Variants in IRF6 observed in about 807,000 individuals in gnomAD.
IRF6 encodes the protein interferon regulatory factor 6.
Under a neutral mutation model 51.4 loss-of-function variants are expected in IRF6, and 6 were observed. The observed-to-expected ratio is 0.12, with a 90% CI of 0.06 to 0.23. The LOEUF is 0.23. IRF6 is among the 10% of genes least tolerant of loss of function. The probability of loss-of-function intolerance (pLI) is 1.00; values close to 1 mark genes in which losing one functional copy is unlikely to be tolerated. For missense variants in IRF6, 348 were observed against 585.2 expected, an observed-to-expected ratio of 0.59 and a Z score of 4.18; for synonymous variants, 178 against 215.7, an observed-to-expected ratio of 0.83 and a Z score of 1.53.
intron 5 of IRF6, among the ~76,000 whole-genome samples, chr1:209,794,068 T>C (rs2077886150): frequency 6.6e-6 from 1 of 152,262 alleles, no homozygotes; most frequent in Non-Finnish European, 1.5e-5. Flanking sequence ...GAACAGTTTA[T>C]ATTCTTTTGG....
intron 4 of IRF6, 84 bp from the exon 5 acceptor site, chr1:209,795,502 C>A: frequency 3.1e-6 from 5 of 1,598,208 alleles, no homozygotes; most frequent in Non-Finnish European, 4.3e-6. Flanking sequence ...AAGCTAGGGA[C>A]TGCTAGCCCA....
At chr1:209,802,499 T>C (rs1286013092) in intron 1 of IRF6, among the ~76,000 whole-genome samples, 2 of 152,208 alleles carry the variant, frequency 1.3e-5, no homozygotes, top group African/African-American at 4.8e-5. Flanking sequence ...GATTTTTTGG[T>C]GTTCTTATTT....
In IRF6 at chr1:209,795,369, T is replaced by C. The variant is rs747611861; in HGVS notation, c.429A>G (p.Glu143=). ...PWDEKDNDVD[E]EDEEDELDQS... ...GATCCAGCTCATCTTCCTCATCTTC[T>C]TCATCCACATCATTATCCTTCTCAT... is the stretch of plus-strand genomic sequence containing the variant. Residue 143 remains glutamate (E), a synonymous_variant, in exon 5 of 9, where the codon GAA becomes GAG. Transcript: ENST00000367021. 8 of 1,614,094 alleles carry C rather than the reference T, an allele frequency of 5.0e-6. No homozygotes were observed. Among genetic ancestry groups the C allele is most frequent in the Admixed American group, 1.7e-5 (1 of 60,010 alleles).
In IRF6 at chr1:209,789,688, T is replaced by C. The variant is rs779025793; in HGVS notation, c.1158A>G (p.Glu386=). 6.2e-7 allele frequency: 1 copy of C among 1,613,274 alleles called. No individual in the cohort carries two copies. Among genetic ancestry groups the C allele is most frequent in the East Asian group, 2.2e-5 (1 of 44,872 alleles). Residue 386 remains glutamate, a synonymous_variant, in exon 8 of 9, where the codon GAA becomes GAG. Coordinates refer to ENST00000367021, the MANE Select transcript of IRF6 (RefSeq NM_006147.4). ...GEEWPDGKPL[E]RKLILVQVIP... ...TCACCTGAACCAAGATGAGTTTCCT[T>C]TCCAATGGTTTCCCATCTGGCCATT...
rs1480064689 is a variant in IRF6, at chr1:209,787,876, C to T, written c.*544G>A. 3 of 155,404 alleles carry T rather than the reference C, an allele frequency of 1.9e-5. No homozygotes were observed. Among genetic ancestry groups the T allele is most frequent in the Non-Finnish European group, 4.3e-5 (3 of 69,906 alleles). 9.6% of individuals were successfully genotyped at this position (155,404 alleles called of 1,614,324 possible). Reference sequence around the variant, plus strand: ...CCCATCAGGGAGCCAGCTTACTATACTAGCAGAACAGGTCAAACAGAGCTC... The same window carrying T: ...CCCATCAGGGAGCCAGCTTACTATATTAGCAGAACAGGTCAAACAGAGCTC... On this transcript the variant is annotated 3_prime_UTR_variant, in exon 9 of 9. Coordinates refer to ENST00000367021, the MANE Select transcript of IRF6 (RefSeq NM_006147.4).
chr1:209,795,187 G>A (rs1474053369), intron 5 of IRF6, 103 bp downstream of exon 5: 1 of 1,341,048 alleles, frequency 7.5e-7, no homozygotes, highest in Non-Finnish European at 1.1e-6. Context: ...TGCAGGGACT[G>A]ATCCTGCTTT....
At position 209,790,387 on chromosome 1, in the gene IRF6, A is replaced by C; in HGVS notation, c.1060+108T>G. The C allele has an allele frequency of 7.3e-7, 1 of 1,362,518 alleles. No homozygotes were observed. Among genetic ancestry groups the C allele is most frequent in the Non-Finnish European group, 1.0e-6 (1 of 961,650 alleles). The allele number at this position is 1,362,518 out of a possible 1,614,324, so 84.4% of individuals were successfully genotyped here. A position where few individuals can be genotyped will look rare whatever the true frequency, so the allele number is the denominator to read the frequency against. Reference sequence around the variant, plus strand: ...TGACCTCCTCCAGACTAAATTTTTTAAGATCTTTGCCATGCCAGGAAAGCA... The same window carrying C: ...TGACCTCCTCCAGACTAAATTTTTTCAGATCTTTGCCATGCCAGGAAAGCA... On this transcript the variant is annotated intron_variant, in intron 7 of 8. Transcript: ENST00000367021. This position sits in a 1 kb window ranked among gnomAD's most constrained non-coding sequence, Gnocchi z 4.8.
rs1376908799 is a variant in IRF6, at chr1:209,790,747, T to C, written c.808A>G (p.Ser270Gly). 1.9e-6 allele frequency: 3 copies of C among 1,614,218 alleles called. No individual in the cohort carries two copies. The highest frequency in any genetic ancestry group is 2.5e-6 in the Non-Finnish European group (3 of 1,180,046). Reference sequence around the variant, plus strand: ...CCTGGGAATTTGACCTGCTCCAGGCTGACGGGACCAAAGAGCTCCTCCTGG... The same window carrying C: ...CCTGGGAATTTGACCTGCTCCAGGCCGACGGGACCAAAGAGCTCCTCCTGG... ...PDQEELFGPV[S>G]LEQVKFPGPE... The change falls in exon 7 of 9, where the codon AGC becomes GGC. Residue 270 changes from serine to glycine, a missense_variant. Around this residue, in one of 5 missense-constraint regions of IRF6, gnomAD observed 125 missense variants for 222.0 expected, o/e 0.56. Coordinates refer to ENST00000367021, the MANE Select transcript of IRF6 (RefSeq NM_006147.4). This position sits in a 1 kb window ranked among gnomAD's most constrained non-coding sequence, Gnocchi z 4.8.
rs1156568671 is a variant in IRF6 at position 209,788,577 on chromosome 1, C to T, written c.1247G>A (p.Ser416Asn). Residue 416 changes from serine (S) to asparagine (N), a missense_variant, in exon 9 of 9, where the codon AGT becomes AAT. Ser to Asn is a conservative substitution (Grantham distance 46). Transcript: ENST00000367021. ...FSGDFTRSFD[S>N]GSVRLQISTP... Reference sequence around the variant, plus strand: ...TGAGATCTGCAGGCGGACACTGCCACTATCAAAGGATCGTGTGAAATCACC... The same window carrying T: ...TGAGATCTGCAGGCGGACACTGCCATTATCAAAGGATCGTGTGAAATCACC... The T allele has an allele frequency of 1.9e-6, 3 of 1,614,014 alleles. No individual in the cohort carries two copies. Among genetic ancestry groups the T allele is most frequent in the Non-Finnish European group, 2.5e-6 (3 of 1,180,030 alleles).
At chr1:209,803,640 T>G (rs2077957123) in intron 1 of IRF6, among the ~76,000 whole-genome samples, 1 of 152,144 alleles carries the variant, frequency 6.6e-6, no homozygotes. Context: ...CCTGCCTCTC[T>G]CACTGTAAAC....
At chr1:209,804,122 A>C (rs944927242) in intron 1 of IRF6, among the ~76,000 whole-genome samples, 1 of 152,240 alleles carries the variant, frequency 6.6e-6, no homozygotes. Flanking sequence ...AAAAACTACA[A>C]GTAATTTTTT....
chr1:209,800,860 C>CT (rs2077936592), intron 3 of IRF6, among the ~76,000 whole-genome samples: 1 of 152,200 alleles, frequency 6.6e-6, no homozygotes, highest in Non-Finnish European at 1.5e-5. Flanking sequence ...CTGTCCTGGT[C>CT]TGAGTATCCA....
Position 209,788,524 on chromosome 1 carries a change from C to T in IRF6, c.1300G>A (p.Ala434Thr), listed in dbSNP as rs1368495772. 1 of 1,614,114 alleles carries T rather than the reference C, an allele frequency of 6.2e-7. No individual in the cohort carries two copies. The highest frequency in any genetic ancestry group is 1.3e-5 in the African/African-American group (1 of 75,008). ...STPDIKDNIV[A>T]QLKQLYRILQ... ...ATGCGGTACAGCTGCTTCAGCTGAG[C>T]AACGATGTTATCCTTGATGTCTGGG... The change falls in exon 9 of 9, where the codon GCT becomes ACT. Residue 434 changes from alanine to threonine, a missense_variant. By Grantham distance (58) the Ala-to-Thr change is moderately conservative (BLOSUM62 0). Transcript: ENST00000367021.
Position 209,789,187 on chromosome 1 carries a change from G to A in IRF6, c.1179+480C>T, listed in dbSNP as rs747862423. On this transcript the variant is annotated intron_variant, in intron 8 of 8. Coordinates refer to ENST00000367021, the MANE Select transcript of IRF6 (RefSeq NM_006147.4). ...CTAAAAATAAAATTAGGCCAGGCAT[G>A]GTAGCCTGTGCCTGTTGTCACAGCT... Among the ~76,000 whole-genome samples the A allele has an allele frequency of 5.5e-4, 83 of 152,068 alleles. 1 individual carries two copies. The highest frequency in any genetic ancestry group is 1.5e-4 in the Non-Finnish European group (10 of 68,022).
rs1295384185 is a variant in IRF6, at chr1:209,790,989, G to C, written c.668-102C>G. On this transcript the variant is annotated intron_variant, in intron 6 of 8. Coordinates refer to ENST00000367021, the MANE Select transcript of IRF6 (RefSeq NM_006147.4). This position sits in a 1 kb window ranked among gnomAD's most constrained non-coding sequence, Gnocchi z 4.8. ...TTAAGATCAAGCCACCTTTCAACCAGCATTCAGGAAGGCCACTGCCATAGT... is the reference window on the plus strand; with the variant it reads ...TTAAGATCAAGCCACCTTTCAACCACCATTCAGGAAGGCCACTGCCATAGT... 1.3e-6 allele frequency: 2 copies of C among 1,598,802 alleles called. No homozygotes were observed. Among genetic ancestry groups the C allele is most frequent in the African/African-American group, 2.7e-5 (2 of 74,796 alleles).
intron 4 of IRF6, among the ~76,000 whole-genome samples, chr1:209,795,765 T>C (rs1390804726): frequency 1.3e-5 from 2 of 152,234 alleles, no homozygotes; most frequent in East Asian, 1.9e-4. Flanking sequence ...CCTGATCTTG[T>C]CACTATTATA....
At position 209,790,380 on chromosome 1, in the gene IRF6, ATTT is replaced by A. The variant is rs2077861789; in HGVS notation, c.1060+112_1060+114del. 1.5e-6 allele frequency: 2 copies of A among 1,321,526 alleles called. No homozygotes were observed. The highest frequency in any genetic ancestry group is 2.5e-4 in the Middle Eastern group (1 of 3,938). The allele number at this position is 1,321,526 out of a possible 1,614,324, so 81.9% of individuals were successfully genotyped here. A position where few individuals can be genotyped will look rare whatever the true frequency, so the allele number is the denominator to read the frequency against. On this transcript the variant is annotated intron_variant, in intron 7 of 8. Transcript: ENST00000367021. The surrounding 1 kb of genome is among the most constrained non-coding windows in gnomAD (Gnocchi z 4.8). The stretch of plus-strand genomic sequence containing the variant: ...TCTCCCTTGACCTCCTCCAGACTAA[ATTT>A]TTTAAGATCTTTGCCATGCCAGGAA...
chr1:209,797,548 G>A (rs956567667), intron 3 of IRF6, among the ~76,000 whole-genome samples: 2 of 152,104 alleles, frequency 1.3e-5, no homozygotes, highest in African/African-American at 4.8e-5. Flanking sequence ...ACATCATGCT[G>A]TCAACCACAC....
At position 209,788,528 on chromosome 1, in the gene IRF6, G is replaced by A. The variant is rs778870225; in HGVS notation, c.1296C>T (p.Ile432=). The A allele has an allele frequency of 1.9e-6, 3 of 1,614,144 alleles. No individual in the cohort carries two copies. Among genetic ancestry groups the A allele is most frequent in the Non-Finnish European group, 2.5e-6 (3 of 1,180,026 alleles). ...GGTACAGCTGCTTCAGCTGAGCAAC[G>A]ATGTTATCCTTGATGTCTGGGGTTG... ...QISTPDIKDN[I]VAQLKQLYRI... is the part of the protein sequence containing the mutation. The change falls in exon 9 of 9, where the codon ATC becomes ATT. Residue 432 remains isoleucine (I), a synonymous_variant. Coordinates refer to ENST00000367021, the MANE Select transcript of IRF6 (RefSeq NM_006147.4).
Sources: gnomAD v4.1 joint callset for allele counts (sites outside exome capture counted in the v4.1 genomes callset) on GRCh38, gnomAD v4.1.1 for gene constraint, gnomAD v4.1.1 regional missense constraint, Gnocchi (gnomAD v3.1) non-coding constraint, MANE v1.5 for transcripts, NCBI Gene and HGNC (gene_info 2026-07-23, HGNC 2026-07-21) for gene names.